ATF2: variants seen among roughly 807,000 people sequenced by gnomAD.
The protein encoded by ATF2 is activating transcription factor 2.
A neutral mutation model predicts 60.6 loss-of-function variants in ATF2; 24 were observed. The ratio of observed to expected loss-of-function variants is 0.40; its 90% CI spans 0.29 to 0.56. ATF2 has a LOEUF of 0.56. Among genes scored for constraint, ATF2 ranks in the 20% least tolerant of loss-of-function variants. The pLI is 0.54. For missense variants in ATF2, 433 were observed against 607.7 expected (o/e 0.71, Z 3.02); for synonymous variants, 206 against 215.4 (o/e 0.96, Z 0.38).
At chr2:175,165,921 C>G (rs1700322240) in intron 1 of ATF2, among the ~76,000 whole-genome samples, 1 of 152,172 alleles carries the variant, frequency 6.6e-6, no homozygotes, top group Non-Finnish European at 1.5e-5. Flanking sequence ...CACTCGGCCT[C>G]ACGAAGTGCT....
chr2:175,134,510 T>G (rs1167226114), intron 3 of ATF2, among the ~76,000 whole-genome samples: 1 of 109,224 alleles, frequency 9.2e-6, no homozygotes, highest in East Asian at 2.6e-4. Flanking sequence ...ACCCAACAAC[T>G]AAGAAAATGC....
chr2:175,154,227 A>AAAG (rs955144210), intron 1 of ATF2, among the ~76,000 whole-genome samples: 33 of 137,350 alleles, frequency 2.4e-4, no homozygotes, highest in Non-Finnish European at 3.4e-4. Flanking sequence ...AAAGAAAAGA[A>AAAG]AAAAAAAATA....
intron 4 of ATF2, among the ~76,000 whole-genome samples, chr2:175,128,192 G>C (rs1198820042): frequency 6.6e-6 from 1 of 152,240 alleles, no homozygotes; most frequent in African/African-American, 2.4e-5. Flanking sequence ...ATCTAAACCC[G>C]TATTTTTTAA....
At chr2:175,116,088 C>A (rs541840487) in intron 7 of ATF2, among the ~76,000 whole-genome samples, 1 of 151,932 alleles carries the variant, frequency 6.6e-6, no homozygotes, top group East Asian at 1.9e-4. Flanking sequence ...AGGGCTTATG[C>A]CAAGGAGTGT....
intron 8 of ATF2, 59 bp downstream of exon 8, chr2:175,114,631 A>C: frequency 6.4e-7 from 1 of 1,564,900 alleles, no homozygotes; most frequent in South Asian, 1.2e-5. Flanking sequence ...CTTAGGAAAA[A>C]TCATTACAAA....
intron 4 of ATF2, among the ~76,000 whole-genome samples, chr2:175,122,149 T>C (rs1697000632): frequency 6.6e-6 from 1 of 151,996 alleles, no homozygotes; most frequent in Non-Finnish European, 1.5e-5. Flanking sequence ...AATTTTTTCA[T>C]GAGAGTTCTT....
intron 2 of ATF2, among the ~76,000 whole-genome samples, chr2:175,147,776 A>G (rs1699049352): frequency 6.6e-6 from 1 of 152,246 alleles, no homozygotes. Context: ...AAGTGAAAAT[A>G]GTAATTCAGT....
intron 8 of ATF2, 72 bp from the exon 9 acceptor site, chr2:175,114,180 A>T (rs1032934219): frequency 1.3e-6 from 2 of 1,498,204 alleles, no homozygotes; most frequent in Non-Finnish European, 1.8e-6. Context: ...ATACAATAGT[A>T]TTTTTACTCC....
intron 4 of ATF2, among the ~76,000 whole-genome samples, chr2:175,126,553 T>C (rs1428665192): frequency 6.6e-6 from 1 of 152,206 alleles, no homozygotes; most frequent in African/African-American, 2.4e-5. Flanking sequence ...TTCACATATA[T>C]AGTTAATGTT....
At chr2:175,099,102 C>CTTT (rs35356799) in intron 10 of ATF2, among the ~76,000 whole-genome samples, 14 of 113,568 alleles carry the variant, frequency 1.2e-4, no homozygotes, top group African/African-American at 3.0e-4. Flanking sequence ...TATTAAATTT[C>CTTT]TTTTTTTTTT....
chr2:175,075,351 A>G (rs1363364258), intron 13 of ATF2, among the ~76,000 whole-genome samples: 5 of 152,176 alleles, frequency 3.3e-5, no homozygotes, highest in Admixed American at 6.6e-5. Flanking sequence ...ATGGATGATT[A>G]TAACACCTGA....
intron 10 of ATF2, among the ~76,000 whole-genome samples, chr2:175,103,528 T>C (rs1006191941): frequency 1.8e-4 from 27 of 152,106 alleles, no homozygotes; most frequent in African/African-American, 6.5e-4. Context: ...CTGCTGAACA[T>C]GAGGTTCCAT....
intron 10 of ATF2, among the ~76,000 whole-genome samples, chr2:175,100,172 AT>A (rs1454543690): frequency 5.3e-5 from 8 of 152,254 alleles, no homozygotes; most frequent in South Asian, 2.1e-4. Context: ...TGAACAAATC[AT>A]TGATCTTTGA....
At chr2:175,077,903 C>T (rs1343750701) in intron 13 of ATF2, among the ~76,000 whole-genome samples, 1 of 152,168 alleles carries the variant, frequency 6.6e-6, no homozygotes, top group Non-Finnish European at 1.5e-5. Context: ...TCCAGCTCTA[C>T]CTAAGCTAAA....
chr2:175,143,749 T>C (rs551168222), intron 2 of ATF2, among the ~76,000 whole-genome samples: 4 of 152,164 alleles, frequency 2.6e-5, no homozygotes, highest in Non-Finnish European at 5.9e-5. Context: ...TTTTCATATA[T>C]ATAATGGTTA....
chr2:175,111,647 C>A lies in ATF2; in HGVS notation c.749G>T (p.Arg250Leu). ...VHVPAAVPLV[R>L]PVTMVPSVPG... Reference sequence around the variant, plus strand: ...AACACTAGGCACCATGGTGACTGGTCGAACGAGCTATGCATGACATAAGGA... The same window carrying A: ...AACACTAGGCACCATGGTGACTGGTAGAACGAGCTATGCATGACATAAGGA... Residue 250 changes from arginine to leucine, a missense_variant, in exon 10 of 14, where the codon CGA becomes CTA. Around this residue, in one of 5 missense-constraint regions of ATF2, gnomAD observed 246 missense variants for 309.3 expected, o/e 0.80. Coordinates refer to ENST00000264110, the MANE Select transcript of ATF2 (RefSeq NM_001880.4). 1 of 1,613,206 alleles carries A rather than the reference C, an allele frequency of 6.2e-7. No homozygotes were observed. The highest frequency in any genetic ancestry group is 1.1e-5 in the South Asian group (1 of 90,972).
intron 4 of ATF2, 30 bp downstream of exon 4, chr2:175,130,108 C>T (rs754346614): frequency 2.8e-6 from 4 of 1,442,908 alleles, no homozygotes; most frequent in Admixed American, 2.0e-5. Flanking sequence ...TGGAAATATA[C>T]AAAATAATTT....
intron 2 of ATF2, among the ~76,000 whole-genome samples, chr2:175,149,284 G>C (rs1462569017): frequency 6.6e-6 from 1 of 152,128 alleles, no homozygotes; most frequent in Non-Finnish European, 1.5e-5. Context: ...TAAAGGTGGG[G>C]GCGGGGACAC....
intron 10 of ATF2, among the ~76,000 whole-genome samples, chr2:175,106,277 T>C (rs564718511): frequency 6.6e-6 from 1 of 152,148 alleles, no homozygotes; most frequent in Non-Finnish European, 1.5e-5. Flanking sequence ...ACGCCTGTAA[T>C]CACAGCACTT....
Sources: gnomAD v4.1 joint callset for allele counts (sites outside exome capture counted in the v4.1 genomes callset) on GRCh38, gnomAD v4.1.1 for gene constraint, gnomAD v4.1.1 regional missense constraint, MANE v1.5 for transcripts, NCBI Gene and HGNC (gene_info 2026-07-23, HGNC 2026-07-21) for gene names.